Variants in PDIA6 observed in about 807,000 individuals in gnomAD.
PDIA6 encodes the protein protein disulfide-isomerase A6.
A neutral mutation model predicts 58.4 loss-of-function variants in PDIA6; 29 were observed. That is an observed-to-expected ratio of 0.50 (90% CI 0.37 to 0.68). The LOEUF is 0.68. Among genes scored for constraint, PDIA6 ranks in the 30% least tolerant of loss-of-function variants. The pLI is 0.00. For synonymous variants in PDIA6, 192 were observed against 202.6 expected, an observed-to-expected ratio of 0.95 and a Z score of 0.44; for missense variants, 480 against 551.0, an observed-to-expected ratio of 0.87 and a Z score of 1.29.
At chr2:10,818,816 C>A (rs1667297436) in intron 2 of PDIA6, among the ~76,000 whole-genome samples, 1 of 152,110 alleles carries the variant, frequency 6.6e-6, no homozygotes, top group South Asian at 2.1e-4. Flanking sequence ...AGCCACCATA[C>A]CTGGCCTTTA....
chr2:10,797,253 A>C (rs1288568400), intron 3 of PDIA6, 46 bp from the exon 4 acceptor site: 2 of 1,579,558 alleles, frequency 1.3e-6, no homozygotes, highest in Non-Finnish European at 1.7e-6. Flanking sequence ...CCGCTAAAGC[A>C]GACTCCACAA....
In PDIA6 at chr2:10,824,247, G is replaced by A. The variant is rs575150636; in HGVS notation, c.-47-4893C>T. Among the ~76,000 whole-genome samples the A allele has an allele frequency of 4.1e-5, 6 of 146,922 alleles. No homozygotes were observed. In the South Asian group the frequency reaches 1.3e-3, roughly 32 times the overall value. ...TGTTGACTGCTGTTGCTTCATGGCT[G>A]TGTCCTTCCATTGGCTAAAAAGAGC... On this transcript the variant is annotated intron_variant, in intron 1 of 13. Coordinates refer to the PDIA6 transcript ENST00000381611.
chr2:10,802,733 G>A, intron 1 of PDIA6, 93 bp from the exon 2 acceptor site: 1 of 1,016,604 alleles, frequency 9.8e-7, no homozygotes, highest in East Asian at 3.1e-5. Flanking sequence ...ACTGACCAGG[G>A]CCCTTCACAC....
chr2:10,820,741 G>A (rs558522201), intron 1 of PDIA6: 39 of 702,890 alleles, frequency 5.5e-5, no homozygotes, highest in Non-Finnish European at 7.3e-5. Flanking sequence ...GGGGTGGCCC[G>A]AAGCCAGGGA....
At position 10,784,212 on chromosome 2, in the gene PDIA6, C is replaced by T; in HGVS notation, c.*46G>A. ...GTCCCTTCACTGCTGGAAAAATCCA[C>T]TGGCTCCCAAGAAAAGAAAATGGTC... On this transcript the variant is annotated 3_prime_UTR_variant, in exon 13 of 13. Transcript: ENST00000272227. The T allele has an allele frequency of 6.7e-7, 1 of 1,503,270 alleles. No homozygotes were observed. The highest frequency in any genetic ancestry group is 9.2e-7 in the Non-Finnish European group (1 of 1,090,368). 93.1% of individuals were successfully genotyped at this position (1,503,270 alleles called of 1,614,324 possible). A position where few individuals can be genotyped will look rare whatever the true frequency, so the allele number is the denominator to read the frequency against.
Position 10,788,950 on chromosome 2 carries a change from C to A in PDIA6, c.872G>T (p.Cys291Phe). The change falls in exon 9 of 13, where the codon TGT becomes TTT. Residue 291 changes from cysteine to phenylalanine, a missense_variant. Transcript: ENST00000272227. ...CACAACACAGAGCTGGTGCTCCTCACACGTCCTCTTGGCAATGTCCTCGTT... is the reference window on the plus strand; with the variant it reads ...CACAACACAGAGCTGGTGCTCCTCAAACGTCCTCTTGGCAATGTCCTCGTT... ...IINEDIAKRT[C>F]EEHQLCVVAV... 1 of 1,614,158 alleles carries A rather than the reference C, an allele frequency of 6.2e-7. No individual in the cohort carries two copies. The highest frequency in any genetic ancestry group is 8.5e-7 in the Non-Finnish European group (1 of 1,179,980).
intron 1 of PDIA6, among the ~76,000 whole-genome samples, chr2:10,825,425 C>A (rs1264948412): frequency 1.3e-5 from 2 of 152,182 alleles, no homozygotes; most frequent in Admixed American, 1.3e-4. Context: ...AATTAGTTCA[C>A]ACTCCTCTCC....
chr2:10,816,522 C>CTTTTTTTTT (rs772701227), upstream of PDIA6, among the ~76,000 whole-genome samples: 847 of 137,984 alleles, frequency 6.1e-3, 39 homozygotes, highest in African/African-American at 0.023. Context: ...CCTTTTTGTG[C>CTTTTTTTTT]TTTCTTTTTT....
chr2:10,832,732 G>A (rs113855161), upstream of PDIA6, among the ~76,000 whole-genome samples: 1,340 of 152,296 alleles, frequency 8.8e-3, 24 homozygotes, highest in African/African-American at 0.031. Context: ...CCTTCCAGGA[G>A]GTCGGGTCCA....
intron 1 of PDIA6, chr2:10,810,310 C>T: frequency 2.6e-6 from 4 of 1,533,690 alleles, no homozygotes; most frequent in South Asian, 2.4e-5. Flanking sequence ...GGGTATAATC[C>T]ACAGAGCATC....
intron 1 of PDIA6, among the ~76,000 whole-genome samples, chr2:10,811,791 AT>A (rs1264705983): frequency 6.6e-6 from 1 of 152,174 alleles, no homozygotes; most frequent in Non-Finnish European, 1.5e-5. Context: ...GCCGCGTTCC[AT>A]TTCGTTTTTA....
In PDIA6 at chr2:10,785,046, C is replaced by T; in HGVS notation, c.1158-16G>A. 2.0e-6 allele frequency: 3 copies of T among 1,489,928 alleles called. No homozygotes were observed. The highest frequency in any genetic ancestry group is 2.8e-6 in the Non-Finnish European group (3 of 1,087,046). The allele number at this position is 1,489,928 out of a possible 1,614,324, so 92.3% of individuals were successfully genotyped here. On this transcript the variant is annotated splice_polypyrimidine_tract_variant and intron_variant, in intron 11 of 12. Coordinates refer to ENST00000272227, the MANE Select transcript of PDIA6 (RefSeq NM_005742.4). ...AGAGAGCTCCCTTAGGGAAAAATGACCAAAACACACACACACATTTACAAT... is the reference window on the plus strand; with the variant it reads ...AGAGAGCTCCCTTAGGGAAAAATGATCAAAACACACACACACATTTACAAT...
chr2:10,834,505 T>C (rs1429208569), upstream of PDIA6, among the ~76,000 whole-genome samples: 4 of 151,906 alleles, frequency 2.6e-5, no homozygotes, highest in Non-Finnish European at 5.9e-5. Flanking sequence ...TGGGATCTCA[T>C]TGGTCCCTGA....
At chr2:10,794,725 G>C (rs966864125) in intron 4 of PDIA6, among the ~76,000 whole-genome samples, 1 of 151,854 alleles carries the variant, frequency 6.6e-6, no homozygotes, top group Non-Finnish European at 1.5e-5. Context: ...TCAAGAGTTC[G>C]AGAGCAGCCT....
At chr2:10,785,772 C>CT (rs1665700995) in intron 11 of PDIA6, among the ~76,000 whole-genome samples, 1 of 152,220 alleles carries the variant, frequency 6.6e-6, no homozygotes, top group African/African-American at 2.4e-5. Context: ...TTTGCCCAGG[C>CT]TGGAGTGCAG....
chr2:10,813,323 A>C (rs1466362457), upstream of PDIA6, among the ~76,000 whole-genome samples: 4 of 152,302 alleles, frequency 2.6e-5, no homozygotes, highest in South Asian at 8.3e-4. Context: ...TCTTCCGTCC[A>C]GGGCGCATGG....
At position 10,802,545 on chromosome 2, in the gene PDIA6, C is replaced by CT. The variant is rs1178763348; in HGVS notation, c.114dup (p.Val39SerfsTer5). ...AGCCACAAACTATCACTCTGAATAA[C>CT]TTCTCGGTTGAAATTCGATGGAGTT... is the stretch of plus-strand genomic sequence containing the variant. On this transcript the variant is annotated frameshift_variant, in exon 2 of 13. Transcript: ENST00000272227. LOFTEE classifies it high-confidence loss of function. 6 of 1,485,438 alleles carry CT rather than the reference C, an allele frequency of 4.0e-6. No individual in the cohort carries two copies. Among genetic ancestry groups the CT allele is most frequent in the Non-Finnish European group, 4.5e-6 (5 of 1,115,656 alleles). 92.0% of individuals were successfully genotyped at this position (1,485,438 alleles called of 1,614,324 possible).
chr2:10,790,642 G>T, intron 7 of PDIA6, 77 bp downstream of exon 7: 1 of 1,006,124 alleles, frequency 9.9e-7, no homozygotes. Context: ...CTACCTCATA[G>T]GGAGGCCTGG....
In PDIA6 at chr2:10,802,594, G is replaced by C; in HGVS notation, c.66C>G (p.Ser22=). The C allele has an allele frequency of 6.7e-7, 1 of 1,495,398 alleles. No individual in the cohort carries two copies. The allele number at this position is 1,495,398 out of a possible 1,614,324, so 92.6% of individuals were successfully genotyped here. A position where few individuals can be genotyped will look rare whatever the true frequency, so the allele number is the denominator to read the frequency against. Residue 22 remains serine, a synonymous_variant, in exon 2 of 13, where the codon TCC becomes TCG. Coordinates refer to ENST00000272227, the MANE Select transcript of PDIA6 (RefSeq NM_005742.4). ...TTAATTCGATCACATCATCACTAGA[G>C]GAATACAGACCATTCACTGCCAGAA... ...TFFLAVNGLY[S]SSDDVIELTP...
Sources: allele counts gnomAD v4.1 joint callset (sites outside exome capture counted in the v4.1 genomes callset), GRCh38; gene constraint gnomAD v4.1.1; transcripts MANE v1.5; gene names NCBI Gene and HGNC (gene_info 2026-07-23, HGNC 2026-07-21).